ACSL3: variants seen among roughly 807,000 people sequenced by gnomAD.
The protein encoded by ACSL3 is fatty acid CoA ligase Acsl3.
ACSL3 carries 34 observed loss-of-function variants against 84.7 expected under a neutral mutation model. That is an observed-to-expected ratio of 0.40 (90% CI 0.31 to 0.53). The LOEUF (loss-of-function observed/expected upper bound fraction) is 0.53, where lower values mean the gene tolerates loss of function less well. Ranked by LOEUF, ACSL3 falls within the 20% of genes least tolerant of loss-of-function variation. ACSL3 has a pLI of 0.48. For synonymous variants in ACSL3, 315 were observed against 299.4 expected (o/e 1.05, Z -0.54); for missense variants, 680 against 873.1 (o/e 0.78, Z 2.79).
At chr2:222,898,554 T>TG (rs1253641216) in intron 2 of ACSL3, among the ~76,000 whole-genome samples, 2 of 152,222 alleles carry the variant, frequency 1.3e-5, no homozygotes, top group Non-Finnish European at 2.9e-5. Flanking sequence ...GATTGGTCCA[T>TG]GGGCCACATT....
chr2:222,919,176 A>G lies in ACSL3; in HGVS notation c.779A>G (p.Glu260Gly). ...ATTGTGCATACCATGGCTGCAGTGGAGGCCCTGGGAGCCAAGGCCAGCATG... is the reference window on the plus strand; with the variant it reads ...ATTGTGCATACCATGGCTGCAGTGGGGGCCCTGGGAGCCAAGGCCAGCATG... ...GIIVHTMAAVEALGAKASMEN... is the reference protein window; with the variant it reads ...GIIVHTMAAVGALGAKASMEN... The change falls in exon 7 of 17, where the codon GAG (glutamate) becomes GGG (glycine). Residue 260 changes from glutamate (E) to glycine (G), a missense_variant. Physicochemically the swap from Glu to Gly is moderately conservative, Grantham distance 98 (BLOSUM62 -2). Transcript: ENST00000357430. The G allele has an allele frequency of 6.2e-7, 1 of 1,614,062 alleles. No homozygotes were observed. The highest frequency in any genetic ancestry group is 8.5e-7 in the Non-Finnish European group (1 of 1,179,968).
chr2:222,910,294 T>TA (rs1185696027), intron 4 of ACSL3, among the ~76,000 whole-genome samples: 1 of 152,226 alleles, frequency 6.6e-6, no homozygotes, highest in African/African-American at 2.4e-5. Flanking sequence ...TCTAGTAAGT[T>TA]AAAAATTGAA....
At chr2:222,879,474 A>G (rs557757135) in intron 1 of ACSL3, among the ~76,000 whole-genome samples, 73 of 152,290 alleles carry the variant, frequency 4.8e-4, no homozygotes, top group Non-Finnish European at 9.4e-4. Context: ...ATGCTCACCC[A>G]TGCCTCCCTG....
chr2:222,915,381 A>G (rs113563006), intron 4 of ACSL3, among the ~76,000 whole-genome samples: 10 of 152,264 alleles, frequency 6.6e-5, no homozygotes, highest in East Asian at 3.9e-4. Flanking sequence ...TTTTTATCCA[A>G]CCTCTTCTAG....
At chr2:222,933,339 C>A in intron 15 of ACSL3, 59 bp downstream of exon 15, 1 of 1,265,624 alleles carries the variant, frequency 7.9e-7, no homozygotes, top group Non-Finnish European at 1.1e-6. Flanking sequence ...ATAGACATTT[C>A]CTACCTGTAT....
At chr2:222,922,277 T>G (rs1696760820) in intron 8 of ACSL3, among the ~76,000 whole-genome samples, 1 of 152,190 alleles carries the variant, frequency 6.6e-6, no homozygotes. Flanking sequence ...GATTCTACTT[T>G]AACTCTTCTG....
intron 5 of ACSL3, among the ~76,000 whole-genome samples, chr2:222,917,219 A>G (rs1363698626): frequency 6.6e-6 from 1 of 152,140 alleles, no homozygotes; most frequent in Non-Finnish European, 1.5e-5. Flanking sequence ...CCTCTCGAGT[A>G]GCTGGGACTG....
At chr2:222,907,002 C>G (rs1696311379) in intron 3 of ACSL3, among the ~76,000 whole-genome samples, 1 of 152,202 alleles carries the variant, frequency 6.6e-6, no homozygotes, top group African/African-American at 2.4e-5. Context: ...CTAAGGGGCT[C>G]TGTGTTCTTA....
Position 222,928,846 on chromosome 2 carries a change from T to C in ACSL3, c.1466-16T>C, listed in dbSNP as rs1234793893. 1 of 1,606,744 alleles carries C rather than the reference T, an allele frequency of 6.2e-7. No individual in the cohort carries two copies. The highest frequency in any genetic ancestry group is 8.5e-7 in the Non-Finnish European group (1 of 1,174,502). On this transcript the variant is annotated splice_polypyrimidine_tract_variant and intron_variant, in intron 12 of 16. Coordinates refer to ENST00000357430, the MANE Select transcript of ACSL3 (RefSeq NM_004457.5). ...GCTACTGTTCTCAAATATCCTTTTTTTCATTTAATTCCTAGTGTGGGACTA... is the reference window on the plus strand; with the variant it reads ...GCTACTGTTCTCAAATATCCTTTTTCTCATTTAATTCCTAGTGTGGGACTA...
intron 1 of ACSL3, 80 bp from the exon 2 acceptor site, chr2:222,887,750 C>G (rs1052937595): frequency 6.6e-6 from 1 of 152,120 alleles, no homozygotes; most frequent in East Asian, 1.9e-4. Flanking sequence ...TAAAATAGTT[C>G]CAGGAAAAAG....
intron 16 of ACSL3, among the ~76,000 whole-genome samples, chr2:222,939,016 G>C (rs1401839112): frequency 6.6e-6 from 1 of 150,814 alleles, no homozygotes; most frequent in Non-Finnish European, 1.5e-5. Context: ...TTGTTTTCTT[G>C]TTTTTTTTCA....
chr2:222,881,010 T>A (rs1202871779), intron 1 of ACSL3, among the ~76,000 whole-genome samples: 5 of 152,124 alleles, frequency 3.3e-5, no homozygotes, highest in African/African-American at 1.2e-4. Flanking sequence ...TTCATAACTG[T>A]CGTTTATTTT....
intron 4 of ACSL3, among the ~76,000 whole-genome samples, chr2:222,912,426 T>C (rs185844509): frequency 1.5e-3 from 234 of 152,376 alleles, no homozygotes; most frequent in Non-Finnish European, 2.8e-3. Context: ...GCTGTGTACT[T>C]TCTGCTATTA....
intron 3 of ACSL3, among the ~76,000 whole-genome samples, chr2:222,901,479 G>A (rs1416639383): frequency 1.5e-5 from 2 of 129,448 alleles, no homozygotes; most frequent in Non-Finnish European, 3.2e-5. Flanking sequence ...TTAAAATTAA[G>A]ACATATAAGT....
rs750935029 is a variant in ACSL3, at chr2:222,922,739, C to T, written c.988C>T (p.Leu330=). 3.1e-6 allele frequency: 5 copies of T among 1,614,156 alleles called. No homozygotes were observed. In the South Asian group the frequency reaches 4.4e-5, roughly 14 times the overall value. Residue 330 remains leucine (L), a synonymous_variant, in exon 9 of 17, where the codon CTG becomes TTG. Transcript: ENST00000357430. ...EEDVYIGYLP[L]AHVLELSAEL... ...AGATGTCTACATTGGATATTTGCCT[C>T]TGGCCCATGTTCTAGAATTAAGTGC...
Position 222,883,630 on chromosome 2 carries a change from G to T in ACSL3, c.-206-4200G>T, listed in dbSNP as rs560686125. ...TGAAGACTAGTATTTATCAGCTCTG[G>T]GATATTATATTGCAGTGTGCTTTAG... On this transcript the variant is annotated intron_variant, in intron 1 of 16. Coordinates refer to ENST00000357430, the MANE Select transcript of ACSL3 (RefSeq NM_004457.5). Among the ~76,000 whole-genome samples the T allele has an allele frequency of 4.6e-5, 7 of 152,154 alleles. No homozygotes were observed. The South Asian group carries it at 8.3e-4, about 18-fold the overall frequency.
At position 222,942,756 on chromosome 2, in the gene ACSL3, A is replaced by C; in HGVS notation, c.*1102A>C. 4.6e-6 allele frequency: 1 copy of C among 215,850 alleles called. No individual in the cohort carries two copies. The highest frequency in any genetic ancestry group is 9.3e-6 in the Non-Finnish European group (1 of 107,120). 13.4% of individuals were successfully genotyped at this position (215,850 alleles called of 1,614,324 possible). ...TTTCTCCCATAACCTTTGTACACTA[A>C]AAAATGAAAGAATTTAGAATGTATT... On this transcript the variant is annotated 3_prime_UTR_variant, in exon 17 of 17. Transcript: ENST00000357430.
Position 222,908,830 on chromosome 2 carries a change from C to G in ACSL3, c.58C>G (p.Pro20Ala), listed in dbSNP as rs776285728. Residue 20 changes from proline (P) to alanine (A), a missense_variant, in exon 4 of 17, where the codon CCT becomes GCT. Pro to Ala is a conservative substitution (Grantham distance 27, BLOSUM62 -1). Transcript: ENST00000357430. ...CATGAAGCTAAAACATACCATCAACCCTATTCTTTTATATTTTATACATTT... is the reference window on the plus strand; with the variant it reads ...CATGAAGCTAAAACATACCATCAACGCTATTCTTTTATATTTTATACATTT... ...STMKLKHTIN[P>A]ILLYFIHFLI... is the part of the protein sequence containing the mutation. The G allele has an allele frequency of 6.2e-7, 1 of 1,605,392 alleles. No individual in the cohort carries two copies. Among genetic ancestry groups the G allele is most frequent in the African/African-American group, 1.3e-5 (1 of 74,410 alleles).
At chr2:222,873,511 CTAAGAA>C (rs550027344) in intron 1 of ACSL3, among the ~76,000 whole-genome samples, 3 of 152,188 alleles carry the variant, frequency 2.0e-5, no homozygotes, top group African/African-American at 7.2e-5. Context: ...AGTTTTTCTT[CTAAGAA>C]TGTGTGTTTG....
Sources: allele counts gnomAD v4.1 joint callset (sites outside exome capture counted in the v4.1 genomes callset), GRCh38; gene constraint gnomAD v4.1.1; transcripts MANE v1.5; gene names NCBI Gene and HGNC (gene_info 2026-07-23, HGNC 2026-07-21).